SEMA4B: variants seen among roughly 807,000 people sequenced by gnomAD.
SEMA4B encodes semaphorin-4B.
SEMA4B carries 55 observed loss-of-function variants against 88.1 expected under a neutral mutation model. That is an observed-to-expected ratio of 0.62 (90% CI 0.50 to 0.78). The LOEUF is 0.78. Ranked by LOEUF, SEMA4B falls within the 30% of genes least tolerant of loss-of-function variation. SEMA4B has a pLI of 0.00. For missense variants in SEMA4B, 1,062 were observed against 1,111.9 expected, an observed-to-expected ratio of 0.96 and a Z score of 0.64; for synonymous variants, 525 against 473.6, an observed-to-expected ratio of 1.11 and a Z score of -1.41.
chr15:90,228,085 G>A lies in SEMA4B; in HGVS notation c.1956G>A (p.Gly652=), dbSNP rs1206023240. Residue 652 remains glycine, a synonymous_variant, in exon 14 of 14, where the codon GGG becomes GGA. Transcript: ENST00000411539. ...DLLLVGTQQL[G]EFQCWSLEEG... is the part of the protein sequence containing the mutation. Reference sequence around the variant, plus strand: ...TGCTGGTGGGCACCCAACAGCTGGGGGAGTTCCAGTGCTGGTCACTAGAGG... The same window carrying A: ...TGCTGGTGGGCACCCAACAGCTGGGAGAGTTCCAGTGCTGGTCACTAGAGG... 2 of 1,613,058 alleles carry A rather than the reference G, an allele frequency of 1.2e-6. No homozygotes were observed. Among genetic ancestry groups the A allele is most frequent in the Admixed American group, 1.7e-5 (1 of 59,904 alleles).
rs369454388 is a variant in SEMA4B at position 90,228,195 on chromosome 15, T to C, written c.2066T>C (p.Val689Ala). 3.0e-5 allele frequency: 49 copies of C among 1,610,074 alleles called. No individual in the cohort carries two copies. The highest frequency in any genetic ancestry group is 6.7e-5 in the African/African-American group (5 of 74,872). The part of the protein sequence containing the change: ...VADQTDEGGS[V>A]PVIISTSRVS... ...GACCAAACAGATGAGGGTGGCAGTG[T>C]ACCCGTCATTATCAGCACATCGCGT... Residue 689 changes from valine to alanine, a missense_variant, in exon 14 of 14, where the codon GTA becomes GCA. Transcript: ENST00000411539.
intron 7 of SEMA4B, among the ~76,000 whole-genome samples, chr15:90,222,895 C>T (rs2151622607): frequency 6.7e-6 from 1 of 148,294 alleles, no homozygotes; most frequent in East Asian, 2.0e-4. Flanking sequence ...TCACTGGTAT[C>T]ATTTTAGAAT....
chr15:90,221,102 T>A lies in SEMA4B; in HGVS notation c.595+9T>A. 6.3e-7 allele frequency: 1 copy of A among 1,588,874 alleles called. No homozygotes were observed. Among genetic ancestry groups the A allele is most frequent in the Non-Finnish European group, 8.6e-7 (1 of 1,164,410 alleles). On this transcript the variant is annotated intron_variant, in intron 5 of 13. Coordinates refer to ENST00000411539, the MANE Select transcript of SEMA4B (RefSeq NM_198925.4). ...CACTGCCCTGGTGGTTGGTGAGTGT[T>A]GAGGGCAGGATGGCTTCATTGAGGT...
intron 1 of SEMA4B, among the ~76,000 whole-genome samples, chr15:90,189,521 C>A (rs949294551): frequency 2.0e-5 from 3 of 152,182 alleles, no homozygotes; most frequent in Non-Finnish European, 4.4e-5. Context: ...GCACAATCCT[C>A]ACTTATAGTA....
chr15:90,201,478 G>A lies in SEMA4B; in HGVS notation c.-101G>A, dbSNP rs1021966868. The A allele has an allele frequency of 6.1e-4, 802 of 1,308,798 alleles. No homozygotes were observed. Among genetic ancestry groups the A allele is most frequent in the Non-Finnish European group, 5.3e-4 (545 of 1,032,204 alleles). 81.1% of individuals were successfully genotyped at this position (1,308,798 alleles called of 1,614,324 possible). On this transcript the variant is annotated 5_prime_UTR_variant, in exon 1 of 14. Coordinates refer to ENST00000411539, the MANE Select transcript of SEMA4B (RefSeq NM_198925.4). ...CCCAGGTCCGGAGGCGGGGGCCCCC[G>A]GGGCGACTCGGGGGCGGACCGCGGG...
rs1419235234 is a variant in SEMA4B at position 90,221,736 on chromosome 15, A to G, written c.832A>G (p.Ile278Val). 2.5e-6 allele frequency: 4 copies of G among 1,613,898 alleles called. No homozygotes were observed. The East Asian group carries it at 6.7e-5, about 27-fold the overall frequency. ...GGAATTTGAGTTCTTTGAGAACACC[A>G]TTGTGTCCCGCATTGCCCGCATCTG... ...GQEFEFFENT[I>V]VSRIARICKG... is the part of the protein sequence containing the mutation. Residue 278 changes from isoleucine (I) to valine (V), a missense_variant, in exon 7 of 14, where the codon ATT becomes GTT. Transcript: ENST00000411539.
In SEMA4B at chr15:90,217,482, C is replaced by G. The variant is rs753763402; in HGVS notation, c.201C>G (p.Ile67Met). ...TCCTCAGATTCGAAGCTGAACACAT[C>G]TCCAACTACACAGCCCTTCTGCTGA... ...RPFLRFEAEH[I>M]SNYTALLLSR... The change falls in exon 2 of 14, where the codon ATC (isoleucine) becomes ATG (methionine). Residue 67 changes from isoleucine to methionine, a missense_variant. By Grantham distance (10) the Ile-to-Met change is conservative (BLOSUM62 1). Transcript: ENST00000411539. 2 of 1,613,936 alleles carry G rather than the reference C, an allele frequency of 1.2e-6. No homozygotes were observed. Among genetic ancestry groups the G allele is most frequent in the South Asian group, 2.2e-5 (2 of 91,054 alleles).
At chr15:90,185,702 GAAATGCCTT>G (rs747681576) in intron 1 of SEMA4B, among the ~76,000 whole-genome samples, 2 of 152,196 alleles carry the variant, frequency 1.3e-5, no homozygotes, top group Non-Finnish European at 2.9e-5. Context: ...TCTAAAGGTT[GAAATGCCTT>G]AAAATTTTGT....
intron 1 of SEMA4B, among the ~76,000 whole-genome samples, chr15:90,205,002 T>TG (rs1318420799): frequency 1.3e-5 from 2 of 152,190 alleles, no homozygotes; most frequent in Admixed American, 1.3e-4. Flanking sequence ...CTCGAACTTC[T>TG]GACCTTAGGT....
chr15:90,201,658 T>C lies in SEMA4B; in HGVS notation c.80T>C (p.Leu27Pro). Residue 27 changes from leucine to proline, a missense_variant, in exon 1 of 14, where the codon CTG becomes CCG. Coordinates refer to ENST00000411539, the MANE Select transcript of SEMA4B (RefSeq NM_198925.4). ...CTGCCGCCTCGGCCACCGCTGCTGCTGCTCCTGCTGCTGCTGCTCCTGCTG... is the reference window on the plus strand; with the variant it reads ...CTGCCGCCTCGGCCACCGCTGCTGCCGCTCCTGCTGCTGCTGCTCCTGCTG... Reference protein sequence around the residue: ...GALPPRPPLLLLLLLLLLLQP... With the variant: ...GALPPRPPLLPLLLLLLLLQP... 3 of 1,516,976 alleles carry C rather than the reference T, an allele frequency of 2.0e-6. No individual in the cohort carries two copies. The highest frequency in any genetic ancestry group is 5.2e-5 in the East Asian group (2 of 38,456). 94.0% of individuals were successfully genotyped at this position (1,516,976 alleles called of 1,614,324 possible). A position where few individuals can be genotyped will look rare whatever the true frequency, so the allele number is the denominator to read the frequency against.
chr15:90,223,650 C>G lies in SEMA4B; in HGVS notation c.953C>G (p.Pro318Arg). The part of the protein sequence containing the change: ...LLCSRPDDGF[P>R]FNVLQDVFTL... Reference sequence around the variant, plus strand: ...TGCTCACGGCCCGACGATGGCTTCCCCTTCAACGTGCTGCAGGATGTCTTC... The same window carrying G: ...TGCTCACGGCCCGACGATGGCTTCCGCTTCAACGTGCTGCAGGATGTCTTC... The change falls in exon 8 of 14, where the codon CCC (proline) becomes CGC (arginine). Residue 318 changes from proline to arginine, a missense_variant. Coordinates refer to ENST00000411539, the MANE Select transcript of SEMA4B (RefSeq NM_198925.4). 1 of 1,613,620 alleles carries G rather than the reference C, an allele frequency of 6.2e-7. No homozygotes were observed. Among genetic ancestry groups the G allele is most frequent in the Non-Finnish European group, 8.5e-7 (1 of 1,179,796 alleles).
At chr15:90,196,515 G>A (rs975282536), upstream of SEMA4B, among the ~76,000 whole-genome samples, 4 of 151,666 alleles carry the variant, frequency 2.6e-5, no homozygotes, top group African/African-American at 9.7e-5. Flanking sequence ...TTGAGACAGA[G>A]TCTCGCTGTC....
Position 90,221,024 on chromosome 15 carries a change from G to A in SEMA4B, c.526G>A (p.Val176Ile), listed in dbSNP as rs750239842. ...CCTGGCAAGGGACGAGAAGGGGAAT[G>A]TCCTCCTGGAAGATGGCAAGGGCCG... Reference protein sequence around the residue: ...FTLARDEKGNVLLEDGKGRCP... With the variant: ...FTLARDEKGNILLEDGKGRCP... Residue 176 changes from valine (V) to isoleucine (I), a missense_variant, in exon 5 of 14, where the codon GTC becomes ATC. By Grantham distance (29) the Val-to-Ile change is conservative. Coordinates refer to ENST00000411539, the MANE Select transcript of SEMA4B (RefSeq NM_198925.4). 2.2e-5 allele frequency: 36 copies of A among 1,611,048 alleles called. No homozygotes were observed. Among genetic ancestry groups the A allele is most frequent in the Non-Finnish European group, 2.9e-5 (34 of 1,178,724 alleles).
chr15:90,185,946 T>TC (rs1960152811), intron 1 of SEMA4B, among the ~76,000 whole-genome samples: 1 of 145,260 alleles, frequency 6.9e-6, no homozygotes, highest in African/African-American at 2.6e-5. Flanking sequence ...TTTTTTTTTT[T>TC]TTTTTGAGAC....
At position 90,205,540 on chromosome 15, in the gene SEMA4B, A is replaced by G. The variant is rs149399525; in HGVS notation, c.157+3805A>G. Among the ~76,000 whole-genome samples, 477 of 152,334 alleles carry G rather than the reference A, an allele frequency of 3.1e-3. 5 individuals are homozygous for G. The highest frequency in any genetic ancestry group is 0.011 in the African/African-American group (460 of 41,578). On this transcript the variant is annotated intron_variant, in intron 1 of 13. Coordinates refer to ENST00000411539, the MANE Select transcript of SEMA4B (RefSeq NM_198925.4). The stretch of plus-strand genomic sequence containing the variant: ...TGGCCTTCTCCAGGCCCATTTTCAC[A>G]TTAGCAAGAGAGGAATAATGGCCAT...
At chr15:90,210,193 G>A (rs994142915) in intron 1 of SEMA4B, among the ~76,000 whole-genome samples, 2 of 152,224 alleles carry the variant, frequency 1.3e-5, no homozygotes, top group African/African-American at 4.8e-5. Context: ...ACCCAGGTGA[G>A]TGGTGCCACA....
intron 12 of SEMA4B, 136 bp downstream of exon 12, chr15:90,225,963 C>T: frequency 1.6e-6 from 1 of 621,818 alleles, no homozygotes; most frequent in East Asian, 3.3e-5. Flanking sequence ...TTAATTAGCT[C>T]TCCTGCTTCC....
chr15:90,210,053 A>T (rs1961189276), intron 1 of SEMA4B, among the ~76,000 whole-genome samples: 1 of 152,164 alleles, frequency 6.6e-6, no homozygotes, highest in Non-Finnish European at 1.5e-5. Flanking sequence ...GGCCTAGGTG[A>T]GAGAGGATGG....
At chr15:90,223,476 G>C (rs1016859527) in intron 7 of SEMA4B, 83 bp from the exon 8 acceptor site, 19 of 1,291,374 alleles carry the variant, frequency 1.5e-5, no homozygotes, top group Non-Finnish European at 2.0e-5. Context: ...TCTGGGGTGG[G>C]TCCATTGAGG....
Sources: gnomAD v4.1 joint callset for allele counts (sites outside exome capture counted in the v4.1 genomes callset) on GRCh38, gnomAD v4.1.1 for gene constraint, MANE v1.5 for transcripts, NCBI Gene and HGNC (gene_info 2026-07-23, HGNC 2026-07-21) for gene names.